CDON: variants seen among roughly 807,000 people sequenced by gnomAD.
The protein encoded by CDON is cell adhesion associated, oncogene regulated.
CDON carries 73 observed loss-of-function variants against 120.9 expected under a neutral mutation model. The ratio of observed to expected loss-of-function variants is 0.60; its 90% CI spans 0.50 to 0.73. CDON has a LOEUF of 0.73. CDON is among the 30% of genes least tolerant of loss of function. The pLI is 0.00. For synonymous variants in CDON, 566 were observed against 573.5 expected (o/e 0.99, Z 0.19); for missense variants, 1,470 against 1,587.3 (o/e 0.93, Z 1.26).
intron 1 of CDON, among the ~76,000 whole-genome samples, chr11:126,050,234 A>AG (rs1395817145): frequency 6.6e-6 from 1 of 151,652 alleles, no homozygotes; most frequent in African/African-American, 2.4e-5. Context: ...AAAACAAAAA[A>AG]AAAGCACCCT....
intron 19 of CDON, 27 bp from the exon 20 acceptor site, chr11:125,961,132 T>TTTC (rs777261131): frequency 1.2e-6 from 2 of 1,608,176 alleles, no homozygotes; most frequent in South Asian, 2.2e-5. Flanking sequence ...TTTGGGAGCA[T>TTTC]TATCAAATGA....
intron 12 of CDON, among the ~76,000 whole-genome samples, chr11:125,996,942 C>T (rs1013619063): frequency 6.6e-6 from 1 of 151,964 alleles, no homozygotes; most frequent in African/African-American, 2.4e-5. Context: ...AGTAGGAGAC[C>T]GAGGGCGGCA....
intron 11 of CDON, among the ~76,000 whole-genome samples, chr11:125,998,970 A>T (rs1946865245): frequency 6.6e-6 from 1 of 152,152 alleles, no homozygotes. Flanking sequence ...CCACCTCAAC[A>T]TGTCTTCAAC....
intron 1 of CDON, among the ~76,000 whole-genome samples, chr11:126,043,015 G>A (rs1948306209): frequency 6.6e-6 from 1 of 152,168 alleles, no homozygotes; most frequent in Non-Finnish European, 1.5e-5. Flanking sequence ...TAAATTGAAA[G>A]GAAAATCCTA....
At position 125,960,844 on chromosome 11, in the gene CDON, T is replaced by G; in HGVS notation, c.*98A>C. 1 of 1,075,856 alleles carries G rather than the reference T, an allele frequency of 9.3e-7. No homozygotes were observed. 66.6% of individuals were successfully genotyped at this position (1,075,856 alleles called of 1,614,324 possible). A position where few individuals can be genotyped will look rare whatever the true frequency, so the allele number is the denominator to read the frequency against. On this transcript the variant is annotated 3_prime_UTR_variant, in exon 20 of 20. Coordinates refer to ENST00000531738, the MANE Select transcript of CDON (RefSeq NM_001378964.1). ...TACAAAAAAATAAATAATGATTTTC[T>G]CTGATTTGAATTAAGGTCCTTCACA...
chr11:125,981,989 T>TTTTTTTTTTTTTTTG (rs1946324784), intron 16 of CDON, among the ~76,000 whole-genome samples: 1 of 122,730 alleles, frequency 8.1e-6, no homozygotes, highest in Non-Finnish European at 1.6e-5. Context: ...TTTTTTTTTT[T>TTTTTTTTTTTTTTTG]TTTTTTTTTT....
At chr11:126,020,709 A>T (rs1947608814) in intron 3 of CDON, among the ~76,000 whole-genome samples, 2 of 152,182 alleles carry the variant, frequency 1.3e-5, no homozygotes, top group South Asian at 4.1e-4. Flanking sequence ...CGCATTCCAG[A>T]TTTTCCGTAA....
chr11:126,004,224 C>T, intron 9 of CDON, 148 bp from the exon 10 acceptor site: 1 of 770,002 alleles, frequency 1.3e-6, no homozygotes, highest in Non-Finnish European at 2.2e-6. Context: ...AGACACAATA[C>T]TTCTTCATAT....
At chr11:126,010,228 GAAAA>G in intron 8 of CDON, 109 bp downstream of exon 8, 1 of 796,280 alleles carries the variant, frequency 1.3e-6, no homozygotes, top group Non-Finnish European at 2.0e-6. Flanking sequence ...CTGTCATCAG[GAAAA>G]AATATAGAGA....
At position 125,962,375 on chromosome 11, in the gene CDON, A is replaced by G. The variant is rs371080197; in HGVS notation, c.3357-377T>C. On this transcript the variant is annotated intron_variant, in intron 18 of 19. Coordinates refer to ENST00000531738, the MANE Select transcript of CDON (RefSeq NM_001378964.1). ...GGAAGAATGAGAGAATAAAAGAGGA[A>G]GAGGAGGACAGGAAGCTAAGAAATG... 4.6e-5 allele frequency among the ~76,000 whole-genome samples: 7 copies of G among 152,356 alleles called. No individual in the cohort carries two copies. In the East Asian group the frequency reaches 1.3e-3, roughly 29 times the overall value.
chr11:126,051,677 C>T (rs1226505704), intron 1 of CDON, among the ~76,000 whole-genome samples: 5 of 144,018 alleles, frequency 3.5e-5, no homozygotes, highest in African/African-American at 7.7e-5. Context: ...TCCAGAGTCT[C>T]GCTCTTGTTG....
rs1948034679 is a variant in CDON, at chr11:126,034,392, G to A, written c.-61-10855C>T. Among the ~76,000 whole-genome samples, 1 of 152,106 alleles carries A rather than the reference G, an allele frequency of 6.6e-6. No homozygotes were observed. The highest frequency in any genetic ancestry group is 2.4e-5 in the African/African-American group (1 of 41,426). ...GAAAAGGGCCCAGGACGAACCCCAG[G>A]AAAGGTCACTGAGATCAAGGGTCAC... On this transcript the variant is annotated intron_variant, in intron 1 of 19. Coordinates refer to ENST00000531738, the MANE Select transcript of CDON (RefSeq NM_001378964.1). This position sits in a 1 kb window ranked among gnomAD's most constrained non-coding sequence, Gnocchi z 4.5.
intron 15 of CDON, among the ~76,000 whole-genome samples, chr11:125,985,955 C>T (rs1054071684): frequency 6.6e-6 from 1 of 152,162 alleles, no homozygotes; most frequent in Non-Finnish European, 1.5e-5. Context: ...ACCCAGCAAT[C>T]CCATTACTGG....
At chr11:126,045,262 G>A (rs1319256238) in intron 1 of CDON, among the ~76,000 whole-genome samples, 1 of 152,152 alleles carries the variant, frequency 6.6e-6, no homozygotes, top group Admixed American at 6.6e-5. Context: ...TCTTGACCTC[G>A]TGATCCGGCT....
Position 125,960,934 on chromosome 11 carries a change from G to C in CDON, c.*8C>G. Reference sequence around the variant, plus strand: ...GAAGTTGGAACATGACTGGTTGTTTGCATGTCCTCAGGTTTCCCGGGGCTG... The same window carrying C: ...GAAGTTGGAACATGACTGGTTGTTTCCATGTCCTCAGGTTTCCCGGGGCTG... On this transcript the variant is annotated 3_prime_UTR_variant, in exon 20 of 20. Coordinates refer to ENST00000531738, the MANE Select transcript of CDON (RefSeq NM_001378964.1). 1.2e-6 allele frequency: 2 copies of C among 1,613,816 alleles called. No homozygotes were observed. The highest frequency in any genetic ancestry group is 1.1e-5 in the South Asian group (1 of 91,060).
rs1565535613 is a variant in CDON at position 126,021,528 on chromosome 11, G to A, written c.77-8C>T. On this transcript the variant is annotated splice_polypyrimidine_tract_variant and splice_region_variant and intron_variant, in intron 2 of 19. Transcript: ENST00000531738. Reference sequence around the variant, plus strand: ...TAAAATAAGGTGCCAAGTCTACAAGGGAATATTCCCCATATGCAAAGAAAG... The same window carrying A: ...TAAAATAAGGTGCCAAGTCTACAAGAGAATATTCCCCATATGCAAAGAAAG... The A allele has an allele frequency of 1.9e-6, 3 of 1,612,998 alleles. No homozygotes were observed. Among genetic ancestry groups the A allele is most frequent in the South Asian group, 1.1e-5 (1 of 90,896 alleles).
chr11:126,033,067 G>A (rs888153433), intron 1 of CDON, among the ~76,000 whole-genome samples: 1 of 152,154 alleles, frequency 6.6e-6, no homozygotes, highest in Non-Finnish European at 1.5e-5. Context: ...CTAGGACCTA[G>A]GACATCTTTG....
upstream of CDON, chr11:126,062,910 C>G (rs933898321): frequency 4.0e-5 from 6 of 151,768 alleles, no homozygotes; most frequent in Admixed American, 3.9e-4. Flanking sequence ...CGCCGGGGAG[C>G]GCGGGCACGT....
intron 17 of CDON, among the ~76,000 whole-genome samples, chr11:125,979,792 A>C (rs1946244656): frequency 6.6e-6 from 1 of 152,224 alleles, no homozygotes; most frequent in Non-Finnish European, 1.5e-5. Context: ...AATGGTGACC[A>C]AAAAAGCTTA....
Sources: gnomAD v4.1 joint callset for allele counts (sites outside exome capture counted in the v4.1 genomes callset) on GRCh38, gnomAD v4.1.1 for gene constraint, Gnocchi (gnomAD v3.1) non-coding constraint, MANE v1.5 for transcripts, NCBI Gene and HGNC (gene_info 2026-07-23, HGNC 2026-07-21) for gene names.